FBP1: variants seen among roughly 807,000 people sequenced by gnomAD.
FBP1 encodes the protein fructose-bisphosphatase 1, also known as fructose-1,6-bisphosphatase 1.
FBP1 carries 22 observed loss-of-function variants against 29.9 expected under a neutral mutation model. The ratio of observed to expected loss-of-function variants is 0.74; its 90% CI spans 0.53 to 1.05. The LOEUF is 1.05. FBP1 is among the 50% of genes least tolerant of loss of function. The probability of loss-of-function intolerance (pLI) is 0.00; values close to 1 mark genes in which losing one functional copy is unlikely to be tolerated. For synonymous variants in FBP1, 175 were observed against 178.6 expected (o/e 0.98, Z 0.16); for missense variants, 345 against 448.2 (o/e 0.77, Z 2.08).
At position 94,639,248 on chromosome 9, in the gene FBP1, C is replaced by T. The variant is rs578183426; in HGVS notation, c.63G>A (p.Glu21=). The T allele has an allele frequency of 6.2e-7, 1 of 1,603,248 alleles. No homozygotes were observed. Among genetic ancestry groups the T allele is most frequent in the South Asian group, 1.1e-5 (1 of 89,170 alleles). Residue 21 remains glutamate, a synonymous_variant, in exon 1 of 7, where the codon GAG becomes GAA. Coordinates refer to ENST00000375326, the MANE Select transcript of FBP1 (RefSeq NM_000507.4). ...VNTLTRFVME[E]GRKARGTGEL... is the part of the protein sequence containing the mutation. ...CGCCCGTGCCGCGGGCCTTCCTGCCCTCCTCCATGACGAAGCGGGTCAGGG... is the reference window on the plus strand; with the variant it reads ...CGCCCGTGCCGCGGGCCTTCCTGCCTTCCTCCATGACGAAGCGGGTCAGGG...
chr9:94,613,112 A>AG (rs1827809707), intron 3 of FBP1, among the ~76,000 whole-genome samples: 1 of 152,186 alleles, frequency 6.6e-6, no homozygotes, highest in African/African-American at 2.4e-5. Context: ...TCACGTCCAC[A>AG]GTGGTCTTTC....
intron 1 of FBP1, among the ~76,000 whole-genome samples, chr9:94,625,790 G>C (rs1387070066): frequency 6.6e-6 from 1 of 151,010 alleles, no homozygotes; most frequent in Non-Finnish European, 1.5e-5. Context: ...GCGAGACTCC[G>C]TCAAAAAGAA....
chr9:94,622,265 T>A (rs1296509822), intron 1 of FBP1, among the ~76,000 whole-genome samples: 1 of 152,126 alleles, frequency 6.6e-6, no homozygotes, highest in East Asian at 1.9e-4. Flanking sequence ...GAGGGAGACG[T>A]CTCACAGGAA....
chr9:94,626,354 T>C (rs1421784698), intron 1 of FBP1, among the ~76,000 whole-genome samples: 1 of 152,168 alleles, frequency 6.6e-6, no homozygotes, highest in African/African-American at 2.4e-5. Flanking sequence ...AGAGAATAAA[T>C]TCCCCCGGCT....
At chr9:94,619,719 C>T (rs2131488540) in intron 2 of FBP1, among the ~76,000 whole-genome samples, 1 of 151,610 alleles carries the variant, frequency 6.6e-6, no homozygotes, top group Admixed American at 6.6e-5. Context: ...ACTAAAAATA[C>T]AAAAATTAGC....
chr9:94,605,072 A>T (rs1188977011), intron 6 of FBP1, among the ~76,000 whole-genome samples: 1 of 152,194 alleles, frequency 6.6e-6, no homozygotes, highest in African/African-American at 2.4e-5. Flanking sequence ...TTTTGAAAGC[A>T]ATCAAAGAAG....
intron 4 of FBP1, among the ~76,000 whole-genome samples, 167 bp downstream of exon 4, chr9:94,609,753 CA>C (rs1472901787): frequency 6.6e-6 from 1 of 152,192 alleles, no homozygotes; most frequent in Non-Finnish European, 1.5e-5. Context: ...GCTCGGGAGG[CA>C]TACACTCTCT....
intron 5 of FBP1, 138 bp from the exon 6 acceptor site, chr9:94,605,714 T>C: frequency 2.4e-6 from 2 of 819,760 alleles, no homozygotes; most frequent in East Asian, 2.7e-5. Flanking sequence ...TGCTAAAAAA[T>C]GTGATGAGAA....
At chr9:94,632,745 T>G (rs986344728) in intron 1 of FBP1, among the ~76,000 whole-genome samples, 1 of 152,194 alleles carries the variant, frequency 6.6e-6, no homozygotes, top group South Asian at 2.1e-4. Context: ...TAAACTTAAT[T>G]GATCCTCCTA....
At chr9:94,639,605 C>T (rs1828255445), upstream of FBP1, 3 of 522,432 alleles carry the variant, frequency 5.7e-6, no homozygotes, top group African/African-American at 4.0e-5. Flanking sequence ...CCGCCTACCC[C>T]GCGGACCAGA....
intron 4 of FBP1, among the ~76,000 whole-genome samples, chr9:94,607,942 C>A (rs569658343): frequency 6.6e-6 from 1 of 152,148 alleles, no homozygotes; most frequent in South Asian, 2.1e-4. Context: ...ACTTTTATGC[C>A]TTTTTTAATA....
intron 3 of FBP1, among the ~76,000 whole-genome samples, chr9:94,616,727 C>T (rs922386475): frequency 5.9e-5 from 9 of 152,018 alleles, no homozygotes; most frequent in Non-Finnish European, 1.2e-4. Context: ...CCACCGCATC[C>T]GGCCTAAAAT....
chr9:94,611,013 G>A (rs1380087871), intron 3 of FBP1, among the ~76,000 whole-genome samples: 1 of 152,030 alleles, frequency 6.6e-6, no homozygotes, highest in East Asian at 1.9e-4. Context: ...ACAGGCGCCT[G>A]CCACCACACC....
Position 94,603,324 on chromosome 9 carries a change from G to A in FBP1, c.*57C>T. ...GTGCACAGCAGGTCAGGGTACTGCT[G>A]TGTGAGACAAAAGGTCCAGGTAGAG... On this transcript the variant is annotated 3_prime_UTR_variant, in exon 7 of 7. Coordinates refer to ENST00000375326, the MANE Select transcript of FBP1 (RefSeq NM_000507.4). 7.1e-7 allele frequency: 1 copy of A among 1,413,190 alleles called. No homozygotes were observed. Among genetic ancestry groups the A allele is most frequent in the Admixed American group, 1.8e-5 (1 of 56,010 alleles). 87.5% of individuals were successfully genotyped at this position (1,413,190 alleles called of 1,614,324 possible). A position where few individuals can be genotyped will look rare whatever the true frequency, so the allele number is the denominator to read the frequency against.
chr9:94,604,239 CA>C (rs11304867), intron 6 of FBP1, among the ~76,000 whole-genome samples: 118,080 of 149,728 alleles, frequency 0.79, 46,564 homozygotes, highest in African/African-American at 0.85. Context: ...TTTGAAAAAC[CA>C]AAAAAAAAAA....
chr9:94,615,243 C>T (rs4526415), intron 3 of FBP1, among the ~76,000 whole-genome samples: 134,794 of 152,276 alleles, frequency 0.89, 59,791 homozygotes, highest in East Asian at 0.95. Context: ...ACTTCTGGTT[C>T]ATTGAGAAGA....
intron 1 of FBP1, among the ~76,000 whole-genome samples, chr9:94,632,175 G>C (rs4743961): frequency 0.3 from 45,973 of 151,852 alleles, 7,376 homozygotes; most frequent in East Asian, 0.57. Context: ...CTGTCAAACA[G>C]CTGAGAGGAC....
At position 94,609,033 on chromosome 9, in the gene FBP1, T is replaced by C. The variant is rs574927576; in HGVS notation, c.567+888A>G. 8.5e-5 allele frequency among the ~76,000 whole-genome samples: 13 copies of C among 152,048 alleles called. No individual in the cohort carries two copies. In the East Asian group the frequency reaches 2.3e-3, roughly 27 times the overall value. ...CTGACCAACATGGCGAAACCCCGTC[T>C]CTACTAAAAATACAAGTGTGGTGGC... On this transcript the variant is annotated intron_variant, in intron 4 of 6. Coordinates refer to ENST00000375326, the MANE Select transcript of FBP1 (RefSeq NM_000507.4).
intron 6 of FBP1, 116 bp downstream of exon 6, chr9:94,605,341 C>T (rs1587852596): frequency 1.1e-5 from 11 of 1,035,520 alleles, no homozygotes; most frequent in East Asian, 2.6e-5. Flanking sequence ...TACAGACACA[C>T]GTAGCAACCT....
Sources: gnomAD v4.1 joint callset for allele counts (sites outside exome capture counted in the v4.1 genomes callset) on GRCh38, gnomAD v4.1.1 for gene constraint, MANE v1.5 for transcripts, NCBI Gene and HGNC (gene_info 2026-07-23, HGNC 2026-07-21) for gene names.